Variants in COL17A1 observed in about 807,000 individuals in gnomAD.
COL17A1 encodes the protein collagen type XVII alpha 1 chain, also known as collagen alpha-1(XVII) chain.
Under a neutral mutation model 218.4 loss-of-function variants are expected in COL17A1, and 181 were observed. That is an observed-to-expected ratio of 0.83 (90% CI 0.73 to 0.94). The LOEUF (loss-of-function observed/expected upper bound fraction) is 0.94. COL17A1 is among the 40% of genes least tolerant of loss of function. The probability of loss-of-function intolerance (pLI) is 0.00; values close to 1 mark genes in which losing one functional copy is unlikely to be tolerated. For synonymous variants in COL17A1, 721 were observed against 731.0 expected (o/e 0.99, Z 0.22); for missense variants, 1,924 against 1,945.9 (o/e 0.99, Z 0.21).
intron 33 of COL17A1, among the ~76,000 whole-genome samples, chr10:104,044,767 G>A (rs969390045): frequency 2.6e-5 from 4 of 151,968 alleles, no homozygotes; most frequent in Non-Finnish European, 4.4e-5. Context: ...GGAAGTCACG[G>A]GCCCTCAAAA....
Position 104,040,362 on chromosome 10 carries a change from T to C in COL17A1, c.2750A>G (p.Lys917Arg). ...PPGPPGPPGP[K>R]GDQGPPGPRG... ...TACACTGTTCTCACCTTGGTCTCCC[T>C]TGGGACCTGGGGGGCCAGGTGGGCC... Residue 917 changes from lysine to arginine, a missense_variant, in exon 40 of 56, where the codon AAG (lysine) becomes AGG (arginine). Physicochemically the swap from Lys to Arg is conservative, Grantham distance 26. Coordinates refer to ENST00000648076, the MANE Select transcript of COL17A1 (RefSeq NM_000494.4). 6.2e-7 allele frequency: 1 copy of C among 1,609,650 alleles called. No individual in the cohort carries two copies. The highest frequency in any genetic ancestry group is 8.5e-7 in the Non-Finnish European group (1 of 1,176,014).
chr10:104,043,722 C>CA (rs1211552009), intron 34 of COL17A1, 103 bp downstream of exon 34: 4 of 1,544,214 alleles, frequency 2.6e-6, no homozygotes, highest in Admixed American at 1.7e-5. Flanking sequence ...GCTACTGATC[C>CA]AAAAAACTCC....
At chr10:104,040,789 C>T (rs1297236786) in intron 39 of COL17A1, among the ~76,000 whole-genome samples, 1 of 152,200 alleles carries the variant, frequency 6.6e-6, no homozygotes, top group South Asian at 2.1e-4. Context: ...CAGACCTGGG[C>T]TCCCCAAGGA....
chr10:104,052,215 C>G lies in COL17A1; in HGVS notation c.1942G>C (p.Ala648Pro). 6.2e-7 allele frequency: 1 copy of G among 1,614,140 alleles called. No individual in the cohort carries two copies. Among genetic ancestry groups the G allele is most frequent in the Non-Finnish European group, 8.5e-7 (1 of 1,180,006 alleles). Reference protein sequence around the residue: ...PGSGEKGERGAAGEPGPHGPP... With the variant: ...PGSGEKGERGPAGEPGPHGPP... ...CCATGAGGACCTGGTTCACCAGCAGCCCCTGAGGAGAAATGGAGGGATGAG... is the reference window on the plus strand; with the variant it reads ...CCATGAGGACCTGGTTCACCAGCAGGCCCTGAGGAGAAATGGAGGGATGAG... Residue 648 changes from alanine to proline, a missense_variant and splice_region_variant, in exon 24 of 56, where the codon GCT (alanine) becomes CCT (proline). Physicochemically the swap from Ala to Pro is conservative, Grantham distance 27. Transcript: ENST00000648076.
chr10:104,051,052 A>G (rs193059682), intron 25 of COL17A1, 151 bp from the exon 26 acceptor site: 1 of 1,426,002 alleles, frequency 7.0e-7, no homozygotes, highest in Admixed American at 2.0e-5. Flanking sequence ...CTCCTTCCCA[A>G]GTCCTTTTTA....
At chr10:104,036,121 A>AGTGTGAGTATGGGTGT (rs1564671362) in intron 48 of COL17A1, among the ~76,000 whole-genome samples, 1 of 802 alleles carries the variant, frequency 1.2e-3, no homozygotes, top group African/African-American at 2.6e-3. Flanking sequence ...TGTGTATGGG[A>AGTGTGAGTATGGGTGT]GTGTGTGTAT....
At chr10:104,036,446 C>T (rs1048979025) in intron 48 of COL17A1, 46 bp downstream of exon 48, 2 of 1,612,854 alleles carry the variant, frequency 1.2e-6, no homozygotes, top group Non-Finnish European at 1.7e-6. Context: ...GTCCTCATCC[C>T]AGTCATCCCA....
At position 104,053,565 on chromosome 10, in the gene COL17A1, G is replaced by A. The variant is rs1297735016; in HGVS notation, c.1834+355C>T. Among the ~76,000 whole-genome samples, 7 of 151,850 alleles carry A rather than the reference G, an allele frequency of 4.6e-5. No individual in the cohort carries two copies. The South Asian group carries it at 1.2e-3, about 27-fold the overall frequency. On this transcript the variant is annotated intron_variant, in intron 22 of 55. Transcript: ENST00000648076. ...GTTTTCCCTAGATCTCTCCTGCTTG[G>A]CTCCTTCTTGCCCTTCGAATCTTTG...
intron 10 of COL17A1, among the ~76,000 whole-genome samples, chr10:104,064,093 A>G (rs1329866923): frequency 6.6e-6 from 1 of 152,208 alleles, no homozygotes; most frequent in Admixed American, 6.5e-5. Flanking sequence ...GAGTGACCCC[A>G]CTTTACAGAG....
chr10:104,057,456 C>CGGCCGGGCGCGGTGGCAGGCGCCTG (rs1554849503), intron 16 of COL17A1, among the ~76,000 whole-genome samples: 1 of 145,586 alleles, frequency 6.9e-6, no homozygotes, highest in Non-Finnish European at 1.5e-5. Flanking sequence ...TTGCCTCCTT[C>CGGCCGGGCGCGGTGGCAGGCGCCTG]TTGGGAAGGT....
In COL17A1 at chr10:104,053,143, C is replaced by T; in HGVS notation, c.1835-8G>A. Reference sequence around the variant, plus strand: ...CTTCCATGCCAGGATCTCCTAAAGACAGGGATGGCCAGCCTCCAAGTCAGG... The same window carrying T: ...CTTCCATGCCAGGATCTCCTAAAGATAGGGATGGCCAGCCTCCAAGTCAGG... On this transcript the variant is annotated splice_region_variant and splice_polypyrimidine_tract_variant and intron_variant, in intron 22 of 55. Transcript: ENST00000648076. The T allele has an allele frequency of 6.2e-7, 1 of 1,611,858 alleles. No homozygotes were observed. Among genetic ancestry groups the T allele is most frequent in the East Asian group, 2.2e-5 (1 of 44,864 alleles).
intron 45 of COL17A1, among the ~76,000 whole-genome samples, chr10:104,038,127 G>T (rs1454155262): frequency 6.6e-6 from 1 of 152,052 alleles, no homozygotes; most frequent in Non-Finnish European, 1.5e-5. Flanking sequence ...GCGAGGTGAG[G>T]CTGTGTCGGG....
In COL17A1 at chr10:104,032,674, C is replaced by G; in HGVS notation, c.4438G>C (p.Gly1480Arg). Residue 1480 changes from glycine to arginine, a missense_variant and splice_region_variant, in exon 55 of 56, where the codon GGT becomes CGT. Physicochemically the swap from Gly to Arg is moderately radical, Grantham distance 125. Coordinates refer to ENST00000648076, the MANE Select transcript of COL17A1 (RefSeq NM_000494.4). ...RGHKGEKGDK[G>R]DQVYAGRRRR... is the part of the protein sequence containing the mutation. The stretch of plus-strand genomic sequence containing the variant: ...AAAACGTGGAGCAGTCAACACTTAC[C>G]TTTGTCTCCTTTTTCTCCCTTGTGT... 6.2e-7 allele frequency: 1 copy of G among 1,613,976 alleles called. No individual in the cohort carries two copies. The highest frequency in any genetic ancestry group is 8.5e-7 in the Non-Finnish European group (1 of 1,179,906).
rs751058779 is a variant in COL17A1, at chr10:104,034,273, A to AG, written c.3827dup (p.Gly1277TrpfsTer16). 2.5e-6 allele frequency: 4 copies of AG among 1,598,246 alleles called. No homozygotes were observed. Among genetic ancestry groups the AG allele is most frequent in the Non-Finnish European group, 2.6e-6 (3 of 1,174,186 alleles). On this transcript the variant is annotated frameshift_variant, in exon 52 of 56. Coordinates refer to ENST00000648076, the MANE Select transcript of COL17A1 (RefSeq NM_000494.4). LOFTEE classifies it high-confidence loss of function. ...CCGTGGACAGGAGGCGGCTGTCCCC[A>AG]GGGGGTCCCTGCGGCCCAGGAGGGC...
At chr10:104,064,662 G>A (rs886612459) in intron 9 of COL17A1, 66 bp from the exon 10 acceptor site, 1 of 1,449,758 alleles carries the variant, frequency 6.9e-7, no homozygotes, top group Admixed American at 1.9e-5. Context: ...GGGGAATCTA[G>A]TCACCTCATT....
Position 104,061,398 on chromosome 10 carries a change from C to G in COL17A1, c.979+7G>C, listed in dbSNP as rs772091254. Reference sequence around the variant, plus strand: ...CCTGAACCCTGGCAGCTGGGAGCAGCACTCACCGGCGGAGGTGGAAACGCC... The same window carrying G: ...CCTGAACCCTGGCAGCTGGGAGCAGGACTCACCGGCGGAGGTGGAAACGCC... On this transcript the variant is annotated splice_region_variant and intron_variant, in intron 13 of 55. Transcript: ENST00000648076. 1 of 1,612,906 alleles carries G rather than the reference C, an allele frequency of 6.2e-7. No homozygotes were observed. Among genetic ancestry groups the G allele is most frequent in the Non-Finnish European group, 8.5e-7 (1 of 1,179,798 alleles).
chr10:104,050,827 C>G, intron 26 of COL17A1, 21 bp downstream of exon 26: 1 of 1,614,144 alleles, frequency 6.2e-7, no homozygotes. Flanking sequence ...CACTGTCCCC[C>G]CAGGCCTCCC....
At position 104,059,596 on chromosome 10, in the gene COL17A1, C is replaced by CT. The variant is rs745315415; in HGVS notation, c.1222+41dup. On this transcript the variant is annotated intron_variant, in intron 15 of 55. Transcript: ENST00000648076. ...CGAAGACAATGAAATGAAATGTGGCCTGGCTGAAGTCAAGGTGGACAACAA... is the reference window on the plus strand; with the variant it reads ...CGAAGACAATGAAATGAAATGTGGCCTTGGCTGAAGTCAAGGTGGACAACAA... 82 of 1,572,326 alleles carry CT rather than the reference C, an allele frequency of 5.2e-5. No homozygotes were observed. In the African/African-American group the frequency reaches 1.0e-3, roughly 20 times the overall value.
chr10:104,049,346 TC>T (rs2086444696), intron 29 of COL17A1, 62 bp downstream of exon 29: 2 of 1,491,120 alleles, frequency 1.3e-6, no homozygotes, highest in African/African-American at 2.8e-5. Flanking sequence ...GACGGATCTC[TC>T]CAGGGTCGTG....
Sources: gnomAD v4.1 joint callset for allele counts (sites outside exome capture counted in the v4.1 genomes callset) on GRCh38, gnomAD v4.1.1 for gene constraint, MANE v1.5 for transcripts, NCBI Gene and HGNC (gene_info 2026-07-23, HGNC 2026-07-21) for gene names.